Variants in ALDH8A1 observed in about 807,000 individuals in gnomAD.
ALDH8A1 encodes 2-aminomuconic semialdehyde dehydrogenase.
Under a neutral mutation model 43.3 loss-of-function variants are expected in ALDH8A1, and 39 were observed. The observed-to-expected ratio is 0.90, with a 90% CI of 0.70 to 1.18. The LOEUF is 1.18. ALDH8A1 is among the 50% of genes most tolerant of loss of function. ALDH8A1 has a pLI of 0.00. For missense variants in ALDH8A1, 605 were observed against 622.6 expected, an observed-to-expected ratio of 0.97 and a Z score of 0.30; for synonymous variants, 233 against 243.5, an observed-to-expected ratio of 0.96 and a Z score of 0.40.
rs543514928 is a variant in ALDH8A1 at position 134,937,352 on chromosome 6, G to A, written c.592+1914C>T. On this transcript the variant is annotated intron_variant, in intron 4 of 6. Transcript: ENST00000265605. Reference sequence around the variant, plus strand: ...AAAGCAGATGACACAGATGTGGTTCGCATTCCTTCCAATCCCAGTGGAGAA... The same window carrying A: ...AAAGCAGATGACACAGATGTGGTTCACATTCCTTCCAATCCCAGTGGAGAA... 2.6e-5 allele frequency among the ~76,000 whole-genome samples: 4 copies of A among 152,228 alleles called. No individual in the cohort carries two copies. The South Asian group carries it at 6.2e-4, about 24-fold the overall frequency.
chr6:134,942,509 GA>G lies in ALDH8A1; in HGVS notation c.341del (p.Phe114SerfsTer37). 6.2e-7 allele frequency: 1 copy of G among 1,614,212 alleles called. No homozygotes were observed. The highest frequency in any genetic ancestry group is 1.1e-5 in the South Asian group (1 of 91,086). Reference protein sequence around the residue: ...TMDIPRSVQNFRFFASSSLHH... With the variant: ...TMDIPRSVQNXRFFASSSLHH... ...GCAGGCTGGAGGAAGCGAAGAACCT[GA>G]AGTTCTGCACAGACCGGGGAATGTC... On this transcript the variant is annotated frameshift_variant, in exon 3 of 7. Coordinates refer to ENST00000265605, the MANE Select transcript of ALDH8A1 (RefSeq NM_022568.4). LOFTEE classifies it high-confidence loss of function.
At chr6:134,935,100 G>T (rs1225305015) in intron 4 of ALDH8A1, among the ~76,000 whole-genome samples, 2 of 152,148 alleles carry the variant, frequency 1.3e-5, no homozygotes, top group African/African-American at 4.8e-5. Context: ...CAGAGGCTAC[G>T]CTTCCCAGCC....
chr6:134,922,852 T>C (rs775828134), intron 6 of ALDH8A1, among the ~76,000 whole-genome samples: 10 of 152,186 alleles, frequency 6.6e-5, no homozygotes, highest in South Asian at 2.1e-4. Context: ...AAATCAAAAG[T>C]AGTTGATTGA....
chr6:134,927,997 T>TA (rs1448670450), intron 6 of ALDH8A1, among the ~76,000 whole-genome samples: 2 of 152,210 alleles, frequency 1.3e-5, no homozygotes, highest in African/African-American at 4.8e-5. Flanking sequence ...ACTGCCTATG[T>TA]ACCTGCAATC....
rs1562261585 is a variant in ALDH8A1, at chr6:134,946,781, C to CGTGCGTGCACAGGTGCGCATGTGT, written c.139-2816_139-2815insACACATGCGCACCTGTGCACGCAC. Among the ~76,000 whole-genome samples the CGTGCGTGCACAGGTGCGCATGTGT allele has an allele frequency of 8.1e-5, 12 of 148,488 alleles. 1 individual carries two copies. The highest frequency in any genetic ancestry group is 5.3e-4 in the Admixed American group (8 of 15,152). On this transcript the variant is annotated intron_variant, in intron 1 of 6. Transcript: ENST00000265605. ...CTATGCACACAGGTGCGCATGTGTGCGCGCGCGCACAGGTGCGCATGTGTG... is the reference window on the plus strand; with the variant it reads ...CTATGCACACAGGTGCGCATGTGTGCGTGCGTGCACAGGTGCGCATGTGTGCGCGCGCACAGGTGCGCATGTGTG...
In ALDH8A1 at chr6:134,949,931, A is replaced by G. The variant is rs778663318; in HGVS notation, c.123T>C (p.Asn41=). The change falls in exon 1 of 7, where the codon AAT becomes AAC. Residue 41 remains asparagine (N), a synonymous_variant. Transcript: ENST00000265605. ...STGEVYCRVP[N]SGKDEIEAAV... is the part of the protein sequence containing the mutation. ...ATATACTCACCTCGTCTTTTCCACT[A>G]TTTGGCACTCTGCAATACACTTCCC... 5 of 1,602,678 alleles carry G rather than the reference A, an allele frequency of 3.1e-6. No individual in the cohort carries two copies. The highest frequency in any genetic ancestry group is 4.3e-6 in the Non-Finnish European group (5 of 1,174,264).
At chr6:134,921,918 C>T (rs562381979) in intron 6 of ALDH8A1, among the ~76,000 whole-genome samples, 3 of 152,372 alleles carry the variant, frequency 2.0e-5, no homozygotes, top group African/African-American at 7.2e-5. Flanking sequence ...CTTAACATTT[C>T]TCTAGGCGTT....
rs144907106 is a variant in ALDH8A1, at chr6:134,918,804, C to T, written c.1075G>A (p.Asp359Asn). 74 of 1,614,212 alleles carry T rather than the reference C, an allele frequency of 4.6e-5. No individual in the cohort carries two copies. The African/African-American group carries it at 9.3e-4, about 20-fold the overall frequency. ...TTCCTGGCAGGGAGGCTCAACTTAT[C>T]CACTCCCTCACCGCACCAAATTTGG... ...GAQIWCGEGV[D>N]KLSLPARNQA... Residue 359 changes from aspartate to asparagine, a missense_variant, in exon 7 of 7, where the codon GAT becomes AAT. Asp to Asn is a conservative substitution (Grantham distance 23). Transcript: ENST00000265605.
intron 4 of ALDH8A1, among the ~76,000 whole-genome samples, chr6:134,936,952 G>A (rs1458475023): frequency 6.6e-6 from 1 of 152,076 alleles, no homozygotes; most frequent in African/African-American, 2.4e-5. Context: ...CAGACTAGAA[G>A]GAAACCCCTC....
intron 6 of ALDH8A1, among the ~76,000 whole-genome samples, chr6:134,926,291 C>T (rs1364645747): frequency 6.6e-6 from 1 of 151,240 alleles, no homozygotes; most frequent in Non-Finnish European, 1.5e-5. Context: ...CCTCCACCTC[C>T]CAGGCTCAAG....
chr6:134,933,177 T>C lies in ALDH8A1; in HGVS notation c.593-145A>G, dbSNP rs970218543. The C allele has an allele frequency of 1.7e-5, 16 of 922,768 alleles. 1 individual carries two copies. In the South Asian group the frequency reaches 3.4e-4, roughly 20 times the overall value. The allele number at this position is 922,768 out of a possible 1,614,324, so 57.2% of individuals were successfully genotyped here. On this transcript the variant is annotated intron_variant, in intron 4 of 6. Transcript: ENST00000265605. ...ACTTGGGTTTTACAACACTTGGAAC[T>C]TCTATGGCTGCCTCTGGTTTAATAG... is the stretch of plus-strand genomic sequence containing the variant.
chr6:134,933,777 C>T (rs1161907549), intron 4 of ALDH8A1, among the ~76,000 whole-genome samples: 1 of 152,158 alleles, frequency 6.6e-6, no homozygotes, highest in Non-Finnish European at 1.5e-5. Context: ...GGCACCATCT[C>T]GGCTCACTGC....
intron 3 of ALDH8A1, among the ~76,000 whole-genome samples, chr6:134,940,985 T>C (rs1355575530): frequency 6.6e-6 from 1 of 152,216 alleles, no homozygotes. Context: ...ATTCATAAAA[T>C]GTAATAAGCT....
chr6:134,933,459 A>G (rs1304599738), intron 4 of ALDH8A1, among the ~76,000 whole-genome samples: 3 of 152,174 alleles, frequency 2.0e-5, no homozygotes, highest in Non-Finnish European at 1.5e-5. Flanking sequence ...AGGTGTATAC[A>G]TGCTGCAGAG....
chr6:134,928,904 C>T lies in ALDH8A1; in HGVS notation c.1011+150G>A, dbSNP rs17064117. The T allele has an allele frequency of 4.5e-3, 3,421 of 759,764 alleles. 115 individuals carry two copies. The African/African-American group carries it at 0.055, about 12-fold the overall frequency. 47.1% of individuals were successfully genotyped at this position (759,764 alleles called of 1,614,324 possible). A position where few individuals can be genotyped will look rare whatever the true frequency, so the allele number is the denominator to read the frequency against. On this transcript the variant is annotated intron_variant, in intron 6 of 6. Transcript: ENST00000265605. ...CATATTCATATCCACAATGTTTAGA[C>T]TCTGTGTCCACAATTTCTCCCAGGT...
Position 134,918,698 on chromosome 6 carries a change from C to A in ALDH8A1, c.1181G>T (p.Gly394Val). The change falls in exon 7 of 7, where the codon GGT (glycine) becomes GTT (valine). Residue 394 changes from glycine to valine, a missense_variant. Coordinates refer to ENST00000265605, the MANE Select transcript of ALDH8A1 (RefSeq NM_022568.4). ...ESCCMTEEIF[G>V]PVTCVVPFDS... ...AAAGGGGACGACACACGTCACTGGACCAAATATCTCTTCCGTCATGCAGCA... is the reference window on the plus strand; with the variant it reads ...AAAGGGGACGACACACGTCACTGGAACAAATATCTCTTCCGTCATGCAGCA... 6.2e-7 allele frequency: 1 copy of A among 1,614,196 alleles called. No individual in the cohort carries two copies. The highest frequency in any genetic ancestry group is 8.5e-7 in the Non-Finnish European group (1 of 1,180,046).
chr6:134,948,686 A>G (rs558096159), intron 1 of ALDH8A1, among the ~76,000 whole-genome samples: 1 of 152,256 alleles, frequency 6.6e-6, no homozygotes, highest in South Asian at 2.1e-4. Context: ...GGAAAAAACT[A>G]TGACTTATGG....
In ALDH8A1 at chr6:134,929,216, C is replaced by T. The variant is rs1373189902; in HGVS notation, c.850-1G>A. 1.2e-6 allele frequency: 2 copies of T among 1,613,726 alleles called. No individual in the cohort carries two copies. Among genetic ancestry groups the T allele is most frequent in the Admixed American group, 1.7e-5 (1 of 60,018 alleles). On this transcript the variant is annotated splice_acceptor_variant, in intron 5 of 6. Coordinates refer to ENST00000265605, the MANE Select transcript of ALDH8A1 (RefSeq NM_022568.4). LOFTEE classifies it high-confidence loss of function. ...TGCTGGTACAGAGACAGATTTCACC[C>T]TGCCAAGAATGAGAACAGGGATAAG...
intron 1 of ALDH8A1, among the ~76,000 whole-genome samples, chr6:134,949,575 G>A (rs1369643502): frequency 6.6e-6 from 1 of 151,940 alleles, no homozygotes; most frequent in African/African-American, 2.4e-5. Flanking sequence ...GCAGTGCGTG[G>A]TGGAGAAAAG....
Sources: allele counts gnomAD v4.1 joint callset (sites outside exome capture counted in the v4.1 genomes callset), GRCh38; gene constraint gnomAD v4.1.1; transcripts MANE v1.5; gene names NCBI Gene and HGNC (gene_info 2026-07-23, HGNC 2026-07-21).